The following DDHD1 variants were observed in gnomAD, a reference collection of about 807,000 sequenced individuals.
The protein encoded by DDHD1 is phospholipase DDHD1.
In DDHD1, 49 loss-of-function variants were observed where a neutral mutation model predicts 96.4. The observed-to-expected ratio is 0.51, with a 90% CI of 0.40 to 0.64. The LOEUF is 0.64. Among genes scored for constraint, DDHD1 ranks in the 30% least tolerant of loss-of-function variants. The pLI is 0.00. For missense variants in DDHD1, 1,106 were observed against 1,161.2 expected (o/e 0.95, Z 0.69); for synonymous variants, 442 against 446.5 (o/e 0.99, Z 0.13).
chr14:53,077,835 T>C (rs1325586651), intron 4 of DDHD1, among the ~76,000 whole-genome samples: 1 of 152,130 alleles, frequency 6.6e-6, no homozygotes, highest in East Asian at 1.9e-4. Context: ...CACCCACTAA[T>C]CTACTTTCAG....
chr14:53,152,427 A>G lies in DDHD1; in HGVS notation c.672T>C (p.Ser224=). The G allele has an allele frequency of 6.2e-7, 1 of 1,613,746 alleles. No individual in the cohort carries two copies. The highest frequency in any genetic ancestry group is 8.5e-7 in the Non-Finnish European group (1 of 1,179,926). Residue 224 remains serine, a synonymous_variant, in exon 1 of 13, where the codon AGT becomes AGC. Transcript: ENST00000673822. ...HVCSPTGPAS[S]SGEDDDEDRA... ...GGTCCTCATCGTCATCTTCTCCGGA[A>G]CTGGAGGCTGGGCCCGTGGGGGAGC... is the stretch of plus-strand genomic sequence containing the variant.
chr14:53,122,993 G>T (rs1420596465), intron 1 of DDHD1, among the ~76,000 whole-genome samples: 1 of 151,876 alleles, frequency 6.6e-6, no homozygotes, highest in Non-Finnish European at 1.5e-5. Flanking sequence ...TGTAAAATAT[G>T]CTCAGATTCA....
intron 1 of DDHD1, among the ~76,000 whole-genome samples, chr14:53,128,288 T>C (rs561810800): frequency 6.6e-6 from 1 of 152,332 alleles, no homozygotes; most frequent in East Asian, 1.9e-4. Flanking sequence ...TTAGTCCATC[T>C]AGGCTGCTGT....
intron 12 of DDHD1, chr14:53,049,072 T>G (rs551215416): frequency 6.6e-6 from 1 of 152,362 alleles, no homozygotes; most frequent in East Asian, 1.9e-4. Flanking sequence ...ACTTTGATTT[T>G]ATGTTCCTGA....
At chr14:53,122,024 A>C (rs780152028) in intron 1 of DDHD1, among the ~76,000 whole-genome samples, 3 of 151,870 alleles carry the variant, frequency 2.0e-5, no homozygotes, top group Non-Finnish European at 2.9e-5. Context: ...ATGGAGCTGA[A>C]CTCTGTAAAT....
intron 4 of DDHD1, among the ~76,000 whole-genome samples, chr14:53,079,375 G>C (rs1885252135): frequency 6.6e-6 from 1 of 151,908 alleles, no homozygotes; most frequent in South Asian, 2.1e-4. Context: ...ATGTACTATA[G>C]CCTGGAACTC....
intron 1 of DDHD1, chr14:53,150,044 A>G (rs1056288736): frequency 2.6e-5 from 4 of 151,624 alleles, no homozygotes; most frequent in South Asian, 2.1e-4. Flanking sequence ...TCCCTTCACA[A>G]TCTCCATCCT....
At chr14:53,115,559 T>TG (rs1888478250) in intron 1 of DDHD1, among the ~76,000 whole-genome samples, 3 of 152,270 alleles carry the variant, frequency 2.0e-5, no homozygotes, top group Admixed American at 2.0e-4. Context: ...CAGAAGACAG[T>TG]GGGGGCCAAT....
rs1881984409 is a variant in DDHD1, at chr14:53,046,036, T to A, written c.*732A>T. ...ATTGAACTAGTGTTGTATGAAGCCA[T>A]AAGTTTTTAATGAAAAAAAATGTAT... On this transcript the variant is annotated 3_prime_UTR_variant, in exon 13 of 13. Coordinates refer to ENST00000673822, the MANE Select transcript of DDHD1 (RefSeq NM_001160148.2). 1 of 152,150 alleles carries A rather than the reference T, an allele frequency of 6.6e-6. No homozygotes were observed. Among genetic ancestry groups the A allele is most frequent in the African/African-American group, 2.4e-5 (1 of 41,438 alleles). 9.4% of individuals were successfully genotyped at this position (152,150 alleles called of 1,614,324 possible).
chr14:53,047,788 G>A (rs1882152594), intron 12 of DDHD1, among the ~76,000 whole-genome samples: 2 of 152,128 alleles, frequency 1.3e-5, no homozygotes. Context: ...TAATTCCAGT[G>A]AGCTCATTTA....
Position 53,152,686 on chromosome 14 carries a change from C to T in DDHD1, c.413G>A (p.Gly138Glu). ...TNSGGGGATG[G>E]SPGERKRTRL... ...GGTACGTTTCCTTTCCCCGGGGGACCCTCCTGTCGCGCCGCCGCCCCCCGA... is the reference window on the plus strand; with the variant it reads ...GGTACGTTTCCTTTCCCCGGGGGACTCTCCTGTCGCGCCGCCGCCCCCCGA... The change falls in exon 1 of 13, where the codon GGG (glycine) becomes GAG (glutamate). Residue 138 changes from glycine (G) to glutamate (E), a missense_variant. By Grantham distance (98) the Gly-to-Glu change is moderately conservative. Around this residue, in one of 2 missense-constraint regions of DDHD1, gnomAD observed 456 missense variants for 402.4 expected, o/e 1.13. Coordinates refer to ENST00000673822, the MANE Select transcript of DDHD1 (RefSeq NM_001160148.2). The T allele has an allele frequency of 6.2e-7, 1 of 1,611,702 alleles. No homozygotes were observed. The highest frequency in any genetic ancestry group is 8.5e-7 in the Non-Finnish European group (1 of 1,179,256).
intron 3 of DDHD1, 40 bp from the exon 4 acceptor site, chr14:53,091,972 G>T: frequency 1.3e-6 from 2 of 1,539,312 alleles, no homozygotes; most frequent in Non-Finnish European, 8.8e-7. Flanking sequence ...TATTTAATCT[G>T]AGAAATAGCA....
chr14:53,097,019 A>C (rs113812936), intron 2 of DDHD1, among the ~76,000 whole-genome samples: 319 of 152,092 alleles, frequency 2.1e-3, no homozygotes, highest in African/African-American at 7.4e-3. Flanking sequence ...GTAGTTATAT[A>C]AATTTCTTTA....
intron 2 of DDHD1, among the ~76,000 whole-genome samples, chr14:53,096,946 A>T (rs930232913): frequency 6.6e-6 from 1 of 152,056 alleles, no homozygotes; most frequent in Non-Finnish European, 1.5e-5. Context: ...AGCTAGGCAC[A>T]GACTTGATAT....
intron 1 of DDHD1, among the ~76,000 whole-genome samples, chr14:53,110,935 C>T (rs1161948129): frequency 6.6e-6 from 1 of 152,144 alleles, no homozygotes; most frequent in Non-Finnish European, 1.5e-5. Context: ...GAGATCACAC[C>T]ATCGCACCTG....
intron 1 of DDHD1, among the ~76,000 whole-genome samples, chr14:53,144,485 TCAA>T (rs1000981035): frequency 3.2e-4 from 48 of 152,368 alleles, no homozygotes; most frequent in African/African-American, 1.1e-3. Context: ...GTTTGGATGC[TCAA>T]CAACGTCTTT....
At chr14:53,147,263 A>G (rs895515932) in intron 1 of DDHD1, among the ~76,000 whole-genome samples, 1 of 152,198 alleles carries the variant, frequency 6.6e-6, no homozygotes, top group Non-Finnish European at 1.5e-5. Context: ...TACAAACTAT[A>G]AAGAGTTATA....
rs1425349466 is a variant in DDHD1, at chr14:53,087,623, G to GT, written c.1289+4161_1289+4162insA. Reference sequence around the variant, plus strand: ...GTTCTTTGAAACCAATGAGAACAAAGACACAATGTACCAGAATCTCTGGGA... The same window carrying GT: ...GTTCTTTGAAACCAATGAGAACAAAGTACACAATGTACCAGAATCTCTGGGA... On this transcript the variant is annotated intron_variant, in intron 4 of 12. Coordinates refer to ENST00000673822, the MANE Select transcript of DDHD1 (RefSeq NM_001160148.2). Among the ~76,000 whole-genome samples, 3 of 152,248 alleles carry GT rather than the reference G, an allele frequency of 2.0e-5. No individual in the cohort carries two copies. The East Asian group carries it at 5.8e-4, about 29-fold the overall frequency.
chr14:53,107,520 G>C lies in DDHD1; in HGVS notation c.839-3664C>G, dbSNP rs74244479. 4.5e-3 allele frequency among the ~76,000 whole-genome samples: 683 copies of C among 152,324 alleles called. 2 individuals carry two copies. The highest frequency in any genetic ancestry group is 0.03 in the East Asian group (155 of 5,182). On this transcript the variant is annotated intron_variant, in intron 1 of 12. Transcript: ENST00000673822. ...AAACTTGTAATTGTGGCTGGATACA[G>C]TGGCTAATGCCTGTAATCCCAGTAC...
Sources: gnomAD v4.1 joint callset for allele counts (sites outside exome capture counted in the v4.1 genomes callset) on GRCh38, gnomAD v4.1.1 for gene constraint, gnomAD v4.1.1 regional missense constraint, MANE v1.5 for transcripts, NCBI Gene and HGNC (gene_info 2026-07-23, HGNC 2026-07-21) for gene names.